ADARB2: variants seen among roughly 807,000 people sequenced by gnomAD.
The protein encoded by ADARB2 is inactive double-stranded RNA-specific editase B2.
A neutral mutation model predicts 62.2 loss-of-function variants in ADARB2; 25 were observed. The ratio of observed to expected loss-of-function variants is 0.40; its 90% CI spans 0.29 to 0.56. The LOEUF (loss-of-function observed/expected upper bound fraction) is 0.56. Ranked by LOEUF, ADARB2 falls within the 20% of genes least tolerant of loss-of-function variation. The probability of loss-of-function intolerance (pLI) is 0.43; values close to 1 mark genes in which losing one functional copy is unlikely to be tolerated. For synonymous variants in ADARB2, 572 were observed against 500.8 expected, an observed-to-expected ratio of 1.14 and a Z score of -1.90; for missense variants, 1,071 against 1,077.4, an observed-to-expected ratio of 0.99 and a Z score of 0.08.
chr10:1,255,167 G>T lies in ADARB2; in HGVS notation c.1193-12868C>A, dbSNP rs1339695567. Among the ~76,000 whole-genome samples the T allele has an allele frequency of 1.3e-5, 2 of 152,240 alleles. No individual in the cohort carries two copies. The highest frequency in any genetic ancestry group is 2.9e-5 in the Non-Finnish European group (2 of 68,044). ...TGAGCTCCTCATGGGGCCAAAACAT[G>T]AGGGAGTGCTTGGATCCAGGAATGT... On this transcript the variant is annotated intron_variant, in intron 4 of 9. Coordinates refer to ENST00000381312, the MANE Select transcript of ADARB2 (RefSeq NM_018702.4). This position sits in a 1 kb window ranked among gnomAD's most constrained non-coding sequence, Gnocchi z 4.7.
intron 1 of ADARB2, among the ~76,000 whole-genome samples, chr10:1,727,663 T>C (rs906462722): frequency 6.6e-6 from 1 of 152,224 alleles, no homozygotes; most frequent in Non-Finnish European, 1.5e-5. Context: ...GAAATCTATT[T>C]TTGTAAGCCC....
chr10:1,327,863 C>T (rs1381671028), intron 3 of ADARB2, among the ~76,000 whole-genome samples: 3 of 151,202 alleles, frequency 2.0e-5, no homozygotes, highest in South Asian at 2.1e-4. Flanking sequence ...CACAGCTCAG[C>T]GCCTCCTCAC....
At chr10:1,589,121 T>A (rs1588313845) in intron 1 of ADARB2, among the ~76,000 whole-genome samples, 1 of 152,192 alleles carries the variant, frequency 6.6e-6, no homozygotes, top group Non-Finnish European at 1.5e-5. Flanking sequence ...GTCCACTGGT[T>A]ATTATTTATG....
At position 1,575,332 on chromosome 10, in the gene ADARB2, T is replaced by TGGTGGC. The variant is rs1229472598; in HGVS notation, c.100+161718_100+161719insGCCACC. 5.1e-3 allele frequency among the ~76,000 whole-genome samples: 770 copies of TGGTGGC among 152,334 alleles called. 3 individuals are homozygous for TGGTGGC. The highest frequency in any genetic ancestry group is 0.018 in the African/African-American group (740 of 41,570). On this transcript the variant is annotated intron_variant, in intron 1 of 9. Coordinates refer to ENST00000381312, the MANE Select transcript of ADARB2 (RefSeq NM_018702.4). The stretch of plus-strand genomic sequence containing the variant: ...CAGTCTGCTCAGCTCATTAAAAAGG[T>TGGTGGC]AGTGGCTGGATTCTGTAGTCTCAGT...
rs1298239516 is a variant in ADARB2, at chr10:1,265,977, G to A, written c.1192+4978C>T. Among the ~76,000 whole-genome samples, 5 of 131,988 alleles carry A rather than the reference G, an allele frequency of 3.8e-5. No individual in the cohort carries two copies. In the South Asian group the frequency reaches 1.1e-3, roughly 29 times the overall value. The allele number at this position is 131,988 out of a possible 152,430, so 86.6% of individuals were successfully genotyped here. A position where few individuals can be genotyped will look rare whatever the true frequency, so the allele number is the denominator to read the frequency against. ...GGGGGCCCAGACTCTCCCGGAAGAC[G>A]GCCTGAGTCAGGTCCACGCTCCCCC... On this transcript the variant is annotated intron_variant, in intron 4 of 9. Coordinates refer to ENST00000381312, the MANE Select transcript of ADARB2 (RefSeq NM_018702.4).
Position 1,273,849 on chromosome 10 carries a change from C to T in ADARB2, c.1078-2780G>A, listed in dbSNP as rs1055932228. Among the ~76,000 whole-genome samples the T allele has an allele frequency of 6.6e-5, 10 of 152,186 alleles. No homozygotes were observed. In the South Asian group the frequency reaches 1.0e-3, roughly 16 times the overall value. On this transcript the variant is annotated intron_variant, in intron 3 of 9. Transcript: ENST00000381312. ...TCCCGCATCTCCCAGGGAAAGCATCCGGGCACAGGGTTGATGGGGCAGCCC... is the reference window on the plus strand; with the variant it reads ...TCCCGCATCTCCCAGGGAAAGCATCTGGGCACAGGGTTGATGGGGCAGCCC...
At chr10:1,461,790 A>C (rs1443388122) in intron 1 of ADARB2, among the ~76,000 whole-genome samples, 1 of 152,126 alleles carries the variant, frequency 6.6e-6, no homozygotes, top group Non-Finnish European at 1.5e-5. Flanking sequence ...ACCTGAGACC[A>C]GGAGTTTAAG....
chr10:1,451,290 C>T (rs1831034320), intron 1 of ADARB2, among the ~76,000 whole-genome samples: 1 of 152,236 alleles, frequency 6.6e-6, no homozygotes, highest in South Asian at 2.1e-4. Flanking sequence ...GAGTATTCAA[C>T]AGGGACACAG....
intron 1 of ADARB2, among the ~76,000 whole-genome samples, chr10:1,606,058 A>G (rs1410769300): frequency 6.6e-6 from 1 of 152,198 alleles, no homozygotes; most frequent in Non-Finnish European, 1.5e-5. Context: ...CAATATGTAT[A>G]TTTCTTTCAC....
chr10:1,436,046 A>G (rs1283954438), intron 1 of ADARB2, among the ~76,000 whole-genome samples: 1 of 152,158 alleles, frequency 6.6e-6, no homozygotes, highest in Non-Finnish European at 1.5e-5. Context: ...AGGATGTTTG[A>G]GGCTCGAGCC....
At chr10:1,308,061 C>G (rs1831647878) in intron 3 of ADARB2, among the ~76,000 whole-genome samples, 1 of 142,820 alleles carries the variant, frequency 7.0e-6, no homozygotes, top group South Asian at 2.7e-4. Flanking sequence ...GCACATGTAC[C>G]CTAAAACTTA....
Position 1,712,780 on chromosome 10 carries a change from T to G in ADARB2, c.100+24271A>C, listed in dbSNP as rs969011562. Among the ~76,000 whole-genome samples the G allele has an allele frequency of 5.0e-4, 76 of 151,892 alleles. 1 individual carries two copies. Among genetic ancestry groups the G allele is most frequent in the Non-Finnish European group, 5.4e-4 (37 of 67,962 alleles). ...CCCACCACGACGCCCAACTAATTTT[T>G]TTGTATTTTTAGTAGAGACAGGGTT... On this transcript the variant is annotated intron_variant, in intron 1 of 9. Coordinates refer to ENST00000381312, the MANE Select transcript of ADARB2 (RefSeq NM_018702.4).
At chr10:1,263,837 G>A (rs1831167939) in intron 4 of ADARB2, among the ~76,000 whole-genome samples, 1 of 152,078 alleles carries the variant, frequency 6.6e-6, no homozygotes, top group Non-Finnish European at 1.5e-5. Context: ...AATGAGCCAG[G>A]CTAAACTATT....
intron 1 of ADARB2, among the ~76,000 whole-genome samples, chr10:1,525,925 GTC>G (rs1354027633): frequency 6.6e-6 from 1 of 152,128 alleles, no homozygotes; most frequent in Non-Finnish European, 1.5e-5. Context: ...GTGCACGTGT[GTC>G]TGTGTGTGAG....
intron 1 of ADARB2, among the ~76,000 whole-genome samples, chr10:1,403,057 C>A (rs1832678476): frequency 6.6e-6 from 1 of 152,234 alleles, no homozygotes; most frequent in Non-Finnish European, 1.5e-5. Context: ...TGGAGCTCTG[C>A]TGGGTCCTGC....
At chr10:1,543,063 T>C (rs1458889811) in intron 1 of ADARB2, among the ~76,000 whole-genome samples, 2 of 152,236 alleles carry the variant, frequency 1.3e-5, no homozygotes, top group African/African-American at 4.8e-5. Flanking sequence ...ACAGCGACGG[T>C]GCGGCTTCCC....
At chr10:1,448,595 G>A (rs1398449139) in intron 1 of ADARB2, among the ~76,000 whole-genome samples, 1 of 152,156 alleles carries the variant, frequency 6.6e-6, no homozygotes, top group Non-Finnish European at 1.5e-5. Context: ...CATGGTAATA[G>A]GGTGCATGGA....
chr10:1,411,627 C>T (rs9794144), intron 1 of ADARB2, among the ~76,000 whole-genome samples: 36,930 of 152,078 alleles, frequency 0.24, 4,990 homozygotes, highest in Middle Eastern at 0.4. Flanking sequence ...TGGGGACGGG[C>T]GGTCCGTGCT....
chr10:1,301,096 C>T lies in ADARB2; in HGVS notation c.1078-30027G>A, dbSNP rs1177748740. Among the ~76,000 whole-genome samples the T allele has an allele frequency of 2.6e-5, 4 of 152,162 alleles. No homozygotes were observed. In the South Asian group the frequency reaches 6.2e-4, roughly 24 times the overall value. ...TAAGCACTGGTCAGAAAGCTCACTC[C>T]TCTTGGTAAAATACTGAGGAATTAC... On this transcript the variant is annotated intron_variant, in intron 3 of 9. Transcript: ENST00000381312.
Sources: allele counts gnomAD v4.1 joint callset (sites outside exome capture counted in the v4.1 genomes callset), GRCh38; gene constraint gnomAD v4.1.1; non-coding constraint Gnocchi (gnomAD v3.1); transcripts MANE v1.5; gene names NCBI Gene and HGNC (gene_info 2026-07-23, HGNC 2026-07-21).